PLCE1: variants seen among roughly 807,000 people sequenced by gnomAD.
PLCE1 encodes the protein phospholipase C epsilon 1, also known as 1-phosphatidylinositol 4,5-bisphosphate phosphodiesterase epsilon-1.
In PLCE1, 119 loss-of-function variants were observed where a neutral mutation model predicts 242.8. That is an observed-to-expected ratio of 0.49 (90% confidence interval 0.42 to 0.57). The LOEUF (loss-of-function observed/expected upper bound fraction) is 0.57, where lower values mean the gene tolerates loss of function less well. Ranked by LOEUF, PLCE1 falls within the 20% of genes least tolerant of loss-of-function variation. The probability of loss-of-function intolerance (pLI) is 0.00; values close to 1 mark genes in which losing one functional copy is unlikely to be tolerated. For synonymous variants in PLCE1, 945 were observed against 1,017.4 expected (o/e 0.93, Z 1.35); for missense variants, 2,441 against 2,788.8 (o/e 0.88, Z 2.81).
chr10:94,178,098 C>G (rs1195049272), intron 4 of PLCE1, among the ~76,000 whole-genome samples: 1 of 152,176 alleles, frequency 6.6e-6, no homozygotes, highest in Non-Finnish European at 1.5e-5. Flanking sequence ...GGATCGATCA[C>G]ACAAGCAAAT....
intron 5 of PLCE1, 21 bp downstream of exon 5, chr10:94,227,472 G>T (rs768673798): frequency 1.3e-5 from 21 of 1,609,850 alleles, no homozygotes; most frequent in Non-Finnish European, 1.8e-5. Context: ...TGGGGAATAT[G>T]GTTATCTTGG....
chr10:94,106,878 T>C (rs1453726123), intron 2 of PLCE1, among the ~76,000 whole-genome samples: 1 of 143,516 alleles, frequency 7.0e-6, no homozygotes, highest in East Asian at 2.1e-4. Context: ...CAAATCCTCC[T>C]TGTTAACTGA....
rs2054174264 is a variant in PLCE1, at chr10:94,332,668, T to C, written c.*4725T>C. 6.6e-6 allele frequency: 1 copy of C among 152,150 alleles called. No individual in the cohort carries two copies. The highest frequency in any genetic ancestry group is 1.5e-5 in the Non-Finnish European group (1 of 68,026). The allele number at this position is 152,150 out of a possible 1,614,324, so 9.4% of individuals were successfully genotyped here. On this transcript the variant is annotated 3_prime_UTR_variant, in exon 33 of 33. Transcript: ENST00000371380. Reference sequence around the variant, plus strand: ...TGTAGTCCCACTGTGATTCTCCATATGTATAACAAGAAAATTAAAGGCATA... The same window carrying C: ...TGTAGTCCCACTGTGATTCTCCATACGTATAACAAGAAAATTAAAGGCATA...
rs761148662 is a variant in PLCE1 at position 94,265,939 on chromosome 10, C to T, written c.4262C>T (p.Ser1421Leu). 3.7e-6 allele frequency: 6 copies of T among 1,613,986 alleles called. No individual in the cohort carries two copies. Among genetic ancestry groups the T allele is most frequent in the South Asian group, 1.1e-5 (1 of 91,076 alleles). ...GGCCATCAGCTCAAAGGAGAATCCTCGGTAGAACTCTACAGCCAGGTACAG... is the reference window on the plus strand; with the variant it reads ...GGCCATCAGCTCAAAGGAGAATCCTTGGTAGAACTCTACAGCCAGGTACAG... ...LTGHQLKGES[S>L]VELYSQVLLQ... Residue 1421 changes from serine to leucine, a missense_variant, in exon 16 of 33, where the codon TCG becomes TTG. By Grantham distance (145) the Ser-to-Leu change is moderately radical. This residue lies in a region of PLCE1 where 1,004 missense variants were observed against 1,322.7 expected (regional missense o/e 0.76). Transcript: ENST00000371380.
chr10:94,268,800 G>A, intron 16 of PLCE1, 129 bp from the exon 17 acceptor site: 1 of 688,638 alleles, frequency 1.5e-6, no homozygotes, highest in Non-Finnish European at 2.7e-6. Context: ...GTTTGTTTTA[G>A]ACCATTTGCC....
chr10:94,030,701 A>T lies in PLCE1; in HGVS notation c.-346A>T, dbSNP rs973794123. The T allele has an allele frequency of 3.5e-6, 1 of 286,260 alleles. No individual in the cohort carries two copies. Among genetic ancestry groups the T allele is most frequent in the Non-Finnish European group, 6.6e-6 (1 of 151,748 alleles). 17.7% of individuals were successfully genotyped at this position (286,260 alleles called of 1,614,324 possible). The stretch of plus-strand genomic sequence containing the variant: ...CTTACAGGAAACAGGAATCATTCAA[A>T]CTGGATTTTAAAATCATTGCAAATC... On this transcript the variant is annotated 5_prime_UTR_variant, in exon 2 of 33. Transcript: ENST00000371380.
chr10:94,071,499 T>TTTTTTGTTTTTTTTGTTTTTTTG (rs1304366250), intron 2 of PLCE1, among the ~76,000 whole-genome samples: 2 of 129,856 alleles, frequency 1.5e-5, no homozygotes, highest in African/African-American at 6.5e-5. Flanking sequence ...GTTTTCGTTT[T>TTTTTTGTTTTTTTTGTTTTTTTG]TTTTTTTTTT....
At chr10:94,086,622 G>A (rs1468127369) in intron 2 of PLCE1, among the ~76,000 whole-genome samples, 2 of 152,204 alleles carry the variant, frequency 1.3e-5, no homozygotes, top group Non-Finnish European at 2.9e-5. Flanking sequence ...TCTCTGCAGT[G>A]CCCAGCACGG....
intron 2 of PLCE1, among the ~76,000 whole-genome samples, chr10:94,080,801 G>C (rs1008796739): frequency 2.6e-5 from 4 of 152,146 alleles, no homozygotes; most frequent in Non-Finnish European, 4.4e-5. Flanking sequence ...ATTTATTATG[G>C]ATATTTCAAG....
intron 11 of PLCE1, among the ~76,000 whole-genome samples, chr10:94,255,955 C>CTCTCTCTT (rs2051075777): frequency 7.2e-6 from 1 of 139,316 alleles, no homozygotes; most frequent in Non-Finnish European, 1.6e-5. Flanking sequence ...CTCTCTCTCT[C>CTCTCTCTT]TCCCCACCCC....
chr10:94,126,871 C>T (rs1342979483), intron 2 of PLCE1, among the ~76,000 whole-genome samples: 2 of 152,152 alleles, frequency 1.3e-5, no homozygotes, highest in African/African-American at 4.8e-5. Flanking sequence ...GTAAACATCA[C>T]CTAAACCTCT....
chr10:94,073,674 C>T (rs575507955), intron 2 of PLCE1, among the ~76,000 whole-genome samples: 1 of 152,286 alleles, frequency 6.6e-6, no homozygotes, highest in South Asian at 2.1e-4. Flanking sequence ...GCCCACTGCA[C>T]CCATGGCAGA....
At chr10:94,213,861 C>T (rs964766834) in intron 4 of PLCE1, among the ~76,000 whole-genome samples, 24 of 152,152 alleles carry the variant, frequency 1.6e-4, no homozygotes, top group Admixed American at 1.2e-3. Context: ...CTCCAAGCAC[C>T]GGAGCCCTTC....
chr10:94,029,704 G>C (rs1389018945), intron 1 of PLCE1, among the ~76,000 whole-genome samples: 1 of 152,108 alleles, frequency 6.6e-6, no homozygotes, highest in Non-Finnish European at 1.5e-5. Flanking sequence ...ATATAGAAGG[G>C]ATTAAGGGGT....
At position 94,235,836 on chromosome 10, in the gene PLCE1, T is replaced by C. The variant is rs1470357114; in HGVS notation, c.2215-79T>C. 2.7e-6 allele frequency: 4 copies of C among 1,492,088 alleles called. No homozygotes were observed. The African/African-American group carries it at 5.5e-5, about 21-fold the overall frequency. The allele number at this position is 1,492,088 out of a possible 1,614,324, so 92.4% of individuals were successfully genotyped here. A position where few individuals can be genotyped will look rare whatever the true frequency, so the allele number is the denominator to read the frequency against. On this transcript the variant is annotated intron_variant, in intron 6 of 32. Transcript: ENST00000371380. ...GCACAAATGCCATTATTTATTACTT[T>C]ATGATTTCATTTCCCTAGCCAAGTA... is the stretch of plus-strand genomic sequence containing the variant.
intron 4 of PLCE1, among the ~76,000 whole-genome samples, chr10:94,183,205 T>C (rs1260455881): frequency 6.6e-6 from 1 of 152,358 alleles, no homozygotes; most frequent in East Asian, 1.9e-4. Flanking sequence ...GGAATGTATT[T>C]ATGCTTTACT....
chr10:94,318,196 T>C (rs1043262726), intron 29 of PLCE1, among the ~76,000 whole-genome samples: 13 of 152,356 alleles, frequency 8.5e-5, no homozygotes, highest in Admixed American at 5.9e-4. Context: ...CTTCTCTCCC[T>C]ATTAAGACAC....
chr10:93,997,526 A>G (rs968893832), intron 1 of PLCE1, among the ~76,000 whole-genome samples: 1 of 151,992 alleles, frequency 6.6e-6, no homozygotes, highest in Non-Finnish European at 1.5e-5. Flanking sequence ...AGGAAGTGCC[A>G]GTGTCAGGAG....
At chr10:94,281,532 C>G (rs1326993189) in intron 20 of PLCE1, among the ~76,000 whole-genome samples, 2 of 152,168 alleles carry the variant, frequency 1.3e-5, no homozygotes, top group Non-Finnish European at 2.9e-5. Flanking sequence ...TTTTAACAAT[C>G]CACATATGCA....
Sources: allele counts gnomAD v4.1 joint callset (sites outside exome capture counted in the v4.1 genomes callset), GRCh38; gene constraint gnomAD v4.1.1; regional missense constraint gnomAD v4.1.1; transcripts MANE v1.5; gene names NCBI Gene and HGNC (gene_info 2026-07-23, HGNC 2026-07-21).